SEMA5A: variants seen among roughly 807,000 people sequenced by gnomAD.
SEMA5A encodes the protein semaphorin 5A.
SEMA5A carries 55 observed loss-of-function variants against 135.5 expected under a neutral mutation model. That is an observed-to-expected ratio of 0.41 (90% CI 0.33 to 0.51). The LOEUF is 0.51. Ranked by LOEUF, SEMA5A falls within the 20% of genes least tolerant of loss-of-function variation. The pLI is 0.37. For missense variants in SEMA5A, 1,290 were observed against 1,419.9 expected, an observed-to-expected ratio of 0.91 and a Z score of 1.47; for synonymous variants, 580 against 546.5, an observed-to-expected ratio of 1.06 and a Z score of -0.85.
chr5:9,337,705 T>C lies in SEMA5A; in HGVS notation c.224+8A>G. The C allele has an allele frequency of 6.3e-7, 1 of 1,593,368 alleles. No individual in the cohort carries two copies. Among genetic ancestry groups the C allele is most frequent in the Non-Finnish European group, 8.6e-7 (1 of 1,163,578 alleles). ...ATATCTGTGGTGGCAAAATACAATA[T>C]CTCTCACCTTGCTCCTACAACAAGT... is the stretch of plus-strand genomic sequence containing the variant. On this transcript the variant is annotated splice_region_variant and intron_variant, in intron 4 of 22. Transcript: ENST00000382496.
chr5:9,087,993 A>C (rs1225672806), intron 16 of SEMA5A, among the ~76,000 whole-genome samples: 1 of 152,234 alleles, frequency 6.6e-6, no homozygotes, highest in East Asian at 1.9e-4. Context: ...CTCTTTCAAA[A>C]TATGAAGACA....
chr5:9,442,614 G>T (rs1758280109), intron 1 of SEMA5A, among the ~76,000 whole-genome samples: 1 of 152,166 alleles, frequency 6.6e-6, no homozygotes, highest in Admixed American at 6.5e-5. Flanking sequence ...GGCCCCACAT[G>T]ACTAAGTGTG....
intron 5 of SEMA5A, among the ~76,000 whole-genome samples, chr5:9,301,918 A>G (rs1393879150): frequency 2.6e-5 from 4 of 152,056 alleles, no homozygotes; most frequent in Non-Finnish European, 2.9e-5. Flanking sequence ...CAATGGGCCA[A>G]ACTCAAGGTG....
intron 16 of SEMA5A, among the ~76,000 whole-genome samples, chr5:9,068,562 T>G (rs1032250326): frequency 2.0e-5 from 3 of 152,164 alleles, no homozygotes; most frequent in African/African-American, 4.8e-5. Context: ...ACGCTCTGTT[T>G]TCCTCTCCAG....
At chr5:9,525,712 TGAAGTA>T (rs1204671165) in intron 1 of SEMA5A, among the ~76,000 whole-genome samples, 1 of 152,182 alleles carries the variant, frequency 6.6e-6, no homozygotes, top group Non-Finnish European at 1.5e-5. Flanking sequence ...AATCCTCACA[TGAAGTA>T]GAACTAGAAT....
intron 2 of SEMA5A, among the ~76,000 whole-genome samples, chr5:9,409,739 A>C (rs886610604): frequency 6.6e-6 from 1 of 152,248 alleles, no homozygotes; most frequent in Non-Finnish European, 1.5e-5. Flanking sequence ...CCACAGAGCG[A>C]GAGCTCGTCA....
Position 9,337,057 on chromosome 5 carries a change from G to T in SEMA5A, c.224+656C>A, listed in dbSNP as rs148102028. On this transcript the variant is annotated intron_variant, in intron 4 of 22. Transcript: ENST00000382496. ...GAAGTGATAGTGAAAACAGGGGAAA[G>T]AACTCAAATTTGTTTGGATTGTGTT... Among the ~76,000 whole-genome samples, 14 of 152,302 alleles carry T rather than the reference G, an allele frequency of 9.2e-5. No homozygotes were observed. The East Asian group carries it at 2.1e-3, about 23-fold the overall frequency.
intron 3 of SEMA5A, among the ~76,000 whole-genome samples, chr5:9,350,608 C>A (rs771299035): frequency 6.6e-6 from 1 of 152,202 alleles, no homozygotes; most frequent in Non-Finnish European, 1.5e-5. Context: ...GCCATGCAAG[C>A]ATTCCATGCT....
chr5:9,519,369 C>T (rs1736692421), intron 1 of SEMA5A, among the ~76,000 whole-genome samples: 1 of 152,222 alleles, frequency 6.6e-6, no homozygotes, highest in Admixed American at 6.5e-5. Flanking sequence ...CTGTTTTCTT[C>T]AGATGGCATC....
chr5:9,252,994 C>G (rs905092465), intron 5 of SEMA5A, among the ~76,000 whole-genome samples: 3 of 152,178 alleles, frequency 2.0e-5, no homozygotes, highest in Non-Finnish European at 2.9e-5. Flanking sequence ...CTACTCTCCT[C>G]TAATTGGAGT....
intron 6 of SEMA5A, among the ~76,000 whole-genome samples, chr5:9,233,226 T>C (rs1417020339): frequency 6.6e-6 from 1 of 152,246 alleles, no homozygotes; most frequent in Non-Finnish European, 1.5e-5. Flanking sequence ...GTGTTTCCTT[T>C]GTAAAGTTCC....
At chr5:9,084,905 G>A (rs916005111) in intron 16 of SEMA5A, among the ~76,000 whole-genome samples, 12 of 152,242 alleles carry the variant, frequency 7.9e-5, no homozygotes, top group South Asian at 2.1e-4. Flanking sequence ...TGCTGATAGC[G>A]ATATGGACAA....
intron 5 of SEMA5A, among the ~76,000 whole-genome samples, chr5:9,275,678 C>A (rs1385571370): frequency 6.6e-6 from 1 of 152,194 alleles, no homozygotes; most frequent in Non-Finnish European, 1.5e-5. Context: ...TCTGGTTCAA[C>A]ATACACAAAT....
intron 12 of SEMA5A, among the ~76,000 whole-genome samples, chr5:9,153,508 CTT>C (rs1249124601): frequency 6.6e-6 from 1 of 152,052 alleles, no homozygotes; most frequent in Admixed American, 6.5e-5. Flanking sequence ...TGCAATGACT[CTT>C]GGGTTTCCCT....
At chr5:9,324,525 A>AT (rs1752783396) in intron 4 of SEMA5A, among the ~76,000 whole-genome samples, 2 of 152,280 alleles carry the variant, frequency 1.3e-5, no homozygotes, top group African/African-American at 2.4e-5. Flanking sequence ...CTCCAAATGC[A>AT]TTTTTGCTGT....
At chr5:9,181,334 C>T (rs967851442) in intron 11 of SEMA5A, among the ~76,000 whole-genome samples, 9 of 152,140 alleles carry the variant, frequency 5.9e-5, no homozygotes, top group African/African-American at 2.2e-4. Flanking sequence ...ATTGCATGTG[C>T]CAAAACCCCA....
chr5:9,297,882 C>A (rs183154053), intron 5 of SEMA5A, among the ~76,000 whole-genome samples: 1 of 152,162 alleles, frequency 6.6e-6, no homozygotes, highest in African/African-American at 2.4e-5. Flanking sequence ...CCATGCCTGG[C>A]CAATTTCTGT....
At chr5:9,076,839 G>A (rs1342343049) in intron 16 of SEMA5A, among the ~76,000 whole-genome samples, 1 of 151,576 alleles carries the variant, frequency 6.6e-6, no homozygotes, top group Non-Finnish European at 1.5e-5. Context: ...CACATAGCCA[G>A]CCAGTGCATT....
chr5:9,414,517 G>A (rs537832397), intron 2 of SEMA5A, among the ~76,000 whole-genome samples: 23 of 152,248 alleles, frequency 1.5e-4, no homozygotes, highest in African/African-American at 4.8e-4. Context: ...ACTTTCAAAC[G>A]TTTAGGCATC....
Sources: gnomAD v4.1 joint callset for allele counts (sites outside exome capture counted in the v4.1 genomes callset) on GRCh38, gnomAD v4.1.1 for gene constraint, MANE v1.5 for transcripts, NCBI Gene and HGNC (gene_info 2026-07-23, HGNC 2026-07-21) for gene names.